Variants in INSR observed in about 807,000 individuals in gnomAD.
INSR encodes the protein insulin receptor.
In INSR, 67 loss-of-function variants were observed where a neutral mutation model predicts 142.6. That is an observed-to-expected ratio of 0.47 (90% CI 0.39 to 0.58). The LOEUF is 0.58. Among genes scored for constraint, INSR ranks in the 20% least tolerant of loss-of-function variants. The probability of loss-of-function intolerance (pLI) is 0.00; values close to 1 mark genes in which losing one functional copy is unlikely to be tolerated. For missense variants in INSR, 1,248 were observed against 1,833.2 expected (o/e 0.68, Z 5.83); for synonymous variants, 756 against 743.1 (o/e 1.02, Z -0.28).
At position 7,152,857 on chromosome 19, in the gene INSR, A is replaced by C. The variant is rs1381125977; in HGVS notation, c.2100T>G (p.Ser700Arg). Reference sequence around the variant, plus strand: ...ATTCGCCGGCCGAATCCTCATACTCACTCTGGTTGTGCTTCTGAGAATCTT... The same window carrying C: ...ATTCGCCGGCCGAATCCTCATACTCCCTCTGGTTGTGCTTCTGAGAATCTT... ...ESEDSQKHNQ[S>R]EYEDSAGECC... Residue 700 changes from serine (S) to arginine (R), a missense_variant, in exon 10 of 22, where the codon AGT becomes AGG. By Grantham distance (110) the Ser-to-Arg change is moderately radical. Around this residue, in one of 3 missense-constraint regions of INSR, gnomAD observed 1,069 missense variants for 1,654.0 expected, o/e 0.65. Transcript: ENST00000302850. 6.2e-7 allele frequency: 1 copy of C among 1,613,008 alleles called. No homozygotes were observed. The highest frequency in any genetic ancestry group is 8.5e-7 in the Non-Finnish European group (1 of 1,179,848).
At chr19:7,170,830 T>C (rs1333790155) in intron 5 of INSR, 79 bp from the exon 6 acceptor site, 1 of 1,139,930 alleles carries the variant, frequency 8.8e-7, no homozygotes, top group African/African-American at 1.5e-5. Flanking sequence ...ATGCTCGGAG[T>C]TGATCTTGTT....
At chr19:7,234,016 C>T (rs2145133724) in intron 2 of INSR, among the ~76,000 whole-genome samples, 1 of 152,192 alleles carries the variant, frequency 6.6e-6, no homozygotes, top group East Asian at 1.9e-4. Context: ...AAGTGATTCT[C>T]CTGCCTCAGC....
At chr19:7,181,447 C>T (rs1974272544) in intron 3 of INSR, among the ~76,000 whole-genome samples, 1 of 152,166 alleles carries the variant, frequency 6.6e-6, no homozygotes, top group South Asian at 2.1e-4. Flanking sequence ...GTGGATACCC[C>T]ATACGCATTG....
rs1205390872 is a variant in INSR at position 7,250,230 on chromosome 19, A to G, written c.652+17115T>C. Reference sequence around the variant, plus strand: ...AAGAAAGAGAGAGGGAGGGAAAAGAAGGAAAGGAAGAAAAGGGAAGAGAGG... The same window carrying G: ...AAGAAAGAGAGAGGGAGGGAAAAGAGGGAAAGGAAGAAAAGGGAAGAGAGG... On this transcript the variant is annotated intron_variant, in intron 2 of 21. Transcript: ENST00000302850. Among the ~76,000 whole-genome samples, 3 of 138,440 alleles carry G rather than the reference A, an allele frequency of 2.2e-5. No individual in the cohort carries two copies. In the Admixed American group the frequency reaches 2.2e-4, roughly 10 times the overall value. The allele number at this position is 138,440 out of a possible 152,430, so 90.8% of individuals were successfully genotyped here.
At chr19:7,124,757 A>T (rs1972605304) in intron 17 of INSR, among the ~76,000 whole-genome samples, 1 of 149,728 alleles carries the variant, frequency 6.7e-6, no homozygotes, top group Admixed American at 6.7e-5. Flanking sequence ...TGCCCCATAA[A>T]TATGTGTGGC....
intron 15 of INSR, among the ~76,000 whole-genome samples, chr19:7,126,898 T>C (rs1215515438): frequency 4.6e-5 from 7 of 152,090 alleles, no homozygotes; most frequent in Admixed American, 6.6e-5. Context: ...TGTTTTGTTT[T>C]TGTTTTTGTT....
chr19:7,126,162 C>T (rs1008178017), intron 16 of INSR, among the ~76,000 whole-genome samples: 3 of 152,200 alleles, frequency 2.0e-5, no homozygotes, highest in African/African-American at 7.2e-5. Flanking sequence ...GAGTGAGGCT[C>T]AGCCTCCCCC....
chr19:7,195,931 C>CTTTTTTTTTTTT (rs903162924), intron 2 of INSR, among the ~76,000 whole-genome samples: 1 of 54,778 alleles, frequency 1.8e-5, no homozygotes, highest in Non-Finnish European at 4.6e-5. Flanking sequence ...TCTTTTCTTT[C>CTTTTTTTTTTTT]TTTTTTTTTT....
At chr19:7,227,964 A>G (rs1447415079) in intron 2 of INSR, among the ~76,000 whole-genome samples, 2 of 152,012 alleles carry the variant, frequency 1.3e-5, no homozygotes, top group Non-Finnish European at 2.9e-5. Flanking sequence ...AAACCAGGGT[A>G]GCATCACCCA....
intron 20 of INSR, 119 bp downstream of exon 20, chr19:7,120,501 C>G (rs1232472977): frequency 1.6e-6 from 2 of 1,216,344 alleles, no homozygotes; most frequent in Non-Finnish European, 2.4e-6. Flanking sequence ...CAGGACGCTG[C>G]CTTCCTTTCC....
chr19:7,188,700 C>A (rs1439172586), intron 2 of INSR, among the ~76,000 whole-genome samples: 1 of 151,812 alleles, frequency 6.6e-6, no homozygotes, highest in Non-Finnish European at 1.5e-5. Context: ...CATGGTGAAA[C>A]CCGTCTCTAC....
At chr19:7,210,449 C>T (rs909272109) in intron 2 of INSR, among the ~76,000 whole-genome samples, 1 of 151,372 alleles carries the variant, frequency 6.6e-6, no homozygotes, top group Non-Finnish European at 1.5e-5. Flanking sequence ...TTGACAAAAA[C>T]CTAAGAGCTG....
intron 2 of INSR, among the ~76,000 whole-genome samples, chr19:7,203,715 G>A (rs1975028622): frequency 6.6e-6 from 1 of 152,114 alleles, no homozygotes; most frequent in Non-Finnish European, 1.5e-5. Flanking sequence ...AAGGACACAG[G>A]TGCCCATGGG....
intron 1 of INSR, among the ~76,000 whole-genome samples, chr19:7,289,378 G>A (rs1164609418): frequency 6.6e-6 from 1 of 150,866 alleles, no homozygotes; most frequent in African/African-American, 2.5e-5. Flanking sequence ...AAAAGCACGT[G>A]GGTAAATGAA....
At position 7,116,973 on chromosome 19, in the gene INSR, G is replaced by A; in HGVS notation, c.*83C>T. ...TCCATTGGACATGGTAGAGTCGTGA[G>A]AATCCTGAGTTTTCCAGAGGCTTTC... is the stretch of plus-strand genomic sequence containing the variant. On this transcript the variant is annotated 3_prime_UTR_variant, in exon 22 of 22. Transcript: ENST00000302850. 3 of 1,034,882 alleles carry A rather than the reference G, an allele frequency of 2.9e-6. No homozygotes were observed. Among genetic ancestry groups the A allele is most frequent in the Non-Finnish European group, 4.6e-6 (3 of 651,588 alleles). The allele number at this position is 1,034,882 out of a possible 1,614,324, so 64.1% of individuals were successfully genotyped here. A position where few individuals can be genotyped will look rare whatever the true frequency, so the allele number is the denominator to read the frequency against.
At chr19:7,248,811 G>A (rs1446875747) in intron 2 of INSR, among the ~76,000 whole-genome samples, 1 of 138,376 alleles carries the variant, frequency 7.2e-6, no homozygotes, top group East Asian at 2.2e-4. Flanking sequence ...AGGCTGGAGT[G>A]CAGTGGCGTG....
intron 13 of INSR, among the ~76,000 whole-genome samples, chr19:7,136,041 C>T (rs1972916592): frequency 6.6e-6 from 1 of 151,954 alleles, no homozygotes; most frequent in Non-Finnish European, 1.5e-5. Context: ...ATGTTCCCAC[C>T]AGCAATGTAT....
At chr19:7,240,258 T>C (rs1270377165) in intron 2 of INSR, among the ~76,000 whole-genome samples, 1 of 152,242 alleles carries the variant, frequency 6.6e-6, no homozygotes, top group Non-Finnish European at 1.5e-5. Context: ...AATTTTATGA[T>C]GTATATTTTA....
intron 1 of INSR, among the ~76,000 whole-genome samples, chr19:7,269,032 A>ATACACC (rs1967826335): frequency 8.1e-6 from 1 of 122,896 alleles, no homozygotes; most frequent in Non-Finnish European, 1.7e-5. Context: ...CAACACACCC[A>ATACACC]CACACCCACA....
Sources: allele counts gnomAD v4.1 joint callset (sites outside exome capture counted in the v4.1 genomes callset), GRCh38; gene constraint gnomAD v4.1.1; regional missense constraint gnomAD v4.1.1; transcripts MANE v1.5; gene names NCBI Gene and HGNC (gene_info 2026-07-23, HGNC 2026-07-21).